Variants in GFM2 observed in about 807,000 individuals in gnomAD.
The protein encoded by GFM2 is GTP dependent ribosome recycling factor mitochondrial 2.
In GFM2, 72 loss-of-function variants were observed where a neutral mutation model predicts 95.4. That is an observed-to-expected ratio of 0.76 (90% CI 0.62 to 0.92). The LOEUF is 0.92. Among genes scored for constraint, GFM2 ranks in the 40% least tolerant of loss-of-function variants. The probability of loss-of-function intolerance (pLI) is 0.00; values close to 1 mark genes in which losing one functional copy is unlikely to be tolerated. For missense variants in GFM2, 825 were observed against 924.1 expected (o/e 0.89, Z 1.39); for synonymous variants, 276 against 317.5 (o/e 0.87, Z 1.39).
chr5:74,758,903 T>A lies in GFM2; in HGVS notation c.250A>T (p.Thr84Ser). The A allele has an allele frequency of 6.2e-7, 1 of 1,610,470 alleles. No homozygotes were observed. The highest frequency in any genetic ancestry group is 8.5e-7 in the Non-Finnish European group (1 of 1,176,762). Reference protein sequence around the residue: ...GIMAHIDAGKTTTTERILYYS... With the variant: ...GIMAHIDAGKSTTTERILYYS... ...TACAATATTCTTTCTGTGGTGGTAG[T>A]TTTGCCTGCATCAATATGAGCCATA... The change falls in exon 5 of 21, where the codon ACT becomes TCT. Residue 84 changes from threonine (T) to serine (S), a missense_variant. Physicochemically the swap from Thr to Ser is moderately conservative, Grantham distance 58. Coordinates refer to ENST00000296805, the MANE Select transcript of GFM2 (RefSeq NM_032380.5).
chr5:74,752,884 C>T (rs1281145294), intron 5 of GFM2, among the ~76,000 whole-genome samples: 2 of 152,098 alleles, frequency 1.3e-5, no homozygotes, highest in African/African-American at 4.8e-5. Context: ...GGGAGCACCC[C>T]GTGAAACAAA....
At chr5:74,755,359 A>G (rs1300167257) in intron 5 of GFM2, among the ~76,000 whole-genome samples, 1 of 152,200 alleles carries the variant, frequency 6.6e-6, no homozygotes, top group Non-Finnish European at 1.5e-5. Flanking sequence ...ATGCAAATAC[A>G]TGGAAATTAA....
chr5:74,765,568 G>A (rs1744532047), intron 1 of GFM2, among the ~76,000 whole-genome samples: 1 of 152,186 alleles, frequency 6.6e-6, no homozygotes, highest in Admixed American at 6.5e-5. Flanking sequence ...TCGGGGGATT[G>A]AGGGACGGCG....
chr5:74,722,062 G>C (rs987672288), intron 20 of GFM2, among the ~76,000 whole-genome samples: 1 of 152,152 alleles, frequency 6.6e-6, no homozygotes, highest in East Asian at 1.9e-4. Flanking sequence ...AGAGGCTGAC[G>C]GGAGAAGAAT....
rs749102852 is a variant in GFM2 at position 74,745,707 on chromosome 5, T to C, written c.820A>G (p.Thr274Ala). 1 of 1,613,228 alleles carries C rather than the reference T, an allele frequency of 6.2e-7. No homozygotes were observed. Among genetic ancestry groups the C allele is most frequent in the Non-Finnish European group, 8.5e-7 (1 of 1,179,704 alleles). ...TCAATTAAGGCATTCCTTGCTTCAG[T>C]TGTTTCCTTCAGCAATTCAGGATCA... ...MNDPELLKETTEARNALIEQV... is the reference protein window; with the variant it reads ...MNDPELLKETAEARNALIEQV... The change falls in exon 10 of 21, where the codon ACT becomes GCT. Residue 274 changes from threonine (T) to alanine (A), a missense_variant. Coordinates refer to ENST00000296805, the MANE Select transcript of GFM2 (RefSeq NM_032380.5).
intron 16 of GFM2, among the ~76,000 whole-genome samples, chr5:74,731,064 C>T (rs1742537647): frequency 6.6e-6 from 1 of 152,158 alleles, no homozygotes; most frequent in African/African-American, 2.4e-5. Flanking sequence ...CCACCTGCCT[C>T]GGCCTCCCAA....
chr5:74,762,089 C>A (rs951224802), intron 2 of GFM2, among the ~76,000 whole-genome samples: 6 of 152,006 alleles, frequency 3.9e-5, no homozygotes, highest in African/African-American at 1.4e-4. Flanking sequence ...AATGAGATCA[C>A]AAATGGAATA....
chr5:74,753,267 T>C (rs1440894906), intron 5 of GFM2, among the ~76,000 whole-genome samples: 2 of 151,976 alleles, frequency 1.3e-5, no homozygotes, highest in Non-Finnish European at 2.9e-5. Flanking sequence ...CAAAATACAC[T>C]GGAAAGTCTC....
chr5:74,762,027 G>A (rs1172674752), intron 2 of GFM2, among the ~76,000 whole-genome samples: 6 of 152,148 alleles, frequency 3.9e-5, no homozygotes, highest in Non-Finnish European at 2.9e-5. Context: ...TAGTCTGAAA[G>A]CGTCAGCAAT....
chr5:74,743,586 T>C (rs1217668947), intron 10 of GFM2, among the ~76,000 whole-genome samples: 1 of 152,178 alleles, frequency 6.6e-6, no homozygotes. Flanking sequence ...CCATGAGACA[T>C]GGGCAAGTGT....
intron 12 of GFM2, 79 bp from the exon 13 acceptor site, chr5:74,738,721 G>T (rs1742965899): frequency 5.8e-6 from 8 of 1,375,718 alleles, no homozygotes; most frequent in Non-Finnish European, 6.9e-6. Context: ...TGTCCCCAAA[G>T]ATCTATTTTA....
intron 5 of GFM2, among the ~76,000 whole-genome samples, chr5:74,755,406 A>G (rs972462713): frequency 2.0e-5 from 3 of 152,194 alleles, no homozygotes; most frequent in East Asian, 1.9e-4. Context: ...GTCAACAATG[A>G]TATCAAGATG....
Position 74,738,486 on chromosome 5 carries a change from C to T in GFM2, c.1220+16G>A. 1 of 1,610,790 alleles carries T rather than the reference C, an allele frequency of 6.2e-7. No homozygotes were observed. The highest frequency in any genetic ancestry group is 8.5e-7 in the Non-Finnish European group (1 of 1,178,778). ...AGTGCATACAGTTTTATAAAATAAT[C>T]TAAGCTTCTACTTACGTGCAGTTTC... On this transcript the variant is annotated intron_variant, in intron 13 of 20. Coordinates refer to ENST00000296805, the MANE Select transcript of GFM2 (RefSeq NM_032380.5).
At chr5:74,756,401 G>A (rs138388406) in intron 5 of GFM2, among the ~76,000 whole-genome samples, 22 of 152,286 alleles carry the variant, frequency 1.4e-4, no homozygotes, top group African/African-American at 4.8e-4. Flanking sequence ...TGGATGTGGA[G>A]TGGACATATA....
At position 74,721,271 on chromosome 5, in the gene GFM2, A is replaced by ATATTT. The variant is rs1749860838; in HGVS notation, c.*379_*383dup. ...GATATTAGACTGTTTTTTGAATAAA[A>ATATTT]TATTTTTATTGATTGAACCTTTGAC... On this transcript the variant is annotated 3_prime_UTR_variant, in exon 21 of 21. Transcript: ENST00000296805. 3 of 1,027,828 alleles carry ATATTT rather than the reference A, an allele frequency of 2.9e-6. No homozygotes were observed. Among genetic ancestry groups the ATATTT allele is most frequent in the Non-Finnish European group, 4.6e-6 (3 of 658,606 alleles). The allele number at this position is 1,027,828 out of a possible 1,614,324, so 63.7% of individuals were successfully genotyped here.
At chr5:74,721,806 T>C in intron 20 of GFM2, 23 bp from the exon 21 acceptor site, 1 of 1,584,718 alleles carries the variant, frequency 6.3e-7, no homozygotes, top group Non-Finnish European at 8.6e-7. Context: ...ATTTAAGTCA[T>C]TTATATTATC....
At chr5:74,743,325 C>A (rs11743415) in intron 10 of GFM2, among the ~76,000 whole-genome samples, 21,369 of 152,112 alleles carry the variant, frequency 0.14, 1,835 homozygotes, top group African/African-American at 0.21. Flanking sequence ...TTTGAGGAAT[C>A]GCCATATTGT....
rs1743036730 is a variant in GFM2 at position 74,740,040 on chromosome 5, T to C, written c.1028A>G (p.Asp343Gly). 1.9e-6 allele frequency: 3 copies of C among 1,601,820 alleles called. No homozygotes were observed. The highest frequency in any genetic ancestry group is 1.3e-5 in the African/African-American group (1 of 74,242). ...TGAAGGTAAGTACATAGTAACAGCA[T>C]CTAACAAGGGCTGTATCCCTTTGTT... Reference protein sequence around the residue: ...LKNKGIQPLLDAVTMYLPSPE... With the variant: ...LKNKGIQPLLGAVTMYLPSPE... The change falls in exon 12 of 21, where the codon GAT (aspartate) becomes GGT (glycine). Residue 343 changes from aspartate to glycine, a missense_variant. Coordinates refer to ENST00000296805, the MANE Select transcript of GFM2 (RefSeq NM_032380.5).
intron 16 of GFM2, 22 bp from the exon 17 acceptor site, chr5:74,730,420 T>C (rs1742496906): frequency 6.6e-7 from 1 of 1,523,000 alleles, no homozygotes; most frequent in East Asian, 2.3e-5. Context: ...AGGAATGAAA[T>C]AAAAGATTAA....
Sources: gnomAD v4.1 joint callset for allele counts (sites outside exome capture counted in the v4.1 genomes callset) on GRCh38, gnomAD v4.1.1 for gene constraint, MANE v1.5 for transcripts, NCBI Gene and HGNC (gene_info 2026-07-23, HGNC 2026-07-21) for gene names.